Variants in NAV1 observed in about 807,000 individuals in gnomAD.
The protein encoded by NAV1 is neuron navigator 1, also known as pore membrane and/or filament interacting like protein 3.
Under a neutral mutation model 175.2 loss-of-function variants are expected in NAV1, and 18 were observed. The observed-to-expected ratio is 0.10, with a 90% CI of 0.07 to 0.15. The LOEUF is 0.15. Among genes scored for constraint, NAV1 ranks in the 10% least tolerant of loss-of-function variants. The pLI, the probability that NAV1 is intolerant of heterozygous loss-of-function variation, is 1.00. For missense variants in NAV1, 1,731 were observed against 2,436.6 expected (o/e 0.71, Z 6.10); for synonymous variants, 897 against 978.7 (o/e 0.92, Z 1.56).
chr1:201,657,716 T>TGAG (rs1308253416), intron 1 of NAV1, among the ~76,000 whole-genome samples: 1 of 152,076 alleles, frequency 6.6e-6, no homozygotes, highest in Non-Finnish European at 1.5e-5. Context: ...CACTTACAAG[T>TGAG]GAGGAAACTG....
intron 1 of NAV1, among the ~76,000 whole-genome samples, chr1:201,709,644 C>G (rs139152451): frequency 6.6e-6 from 1 of 152,302 alleles, no homozygotes; most frequent in Non-Finnish European, 1.5e-5. Flanking sequence ...AGCGGCATAC[C>G]CATGATGGCC....
intron 15 of NAV1, among the ~76,000 whole-genome samples, chr1:201,799,178 G>C (rs1488554849): frequency 6.6e-6 from 1 of 150,562 alleles, no homozygotes; most frequent in African/African-American, 2.4e-5. Flanking sequence ...TCAAGAAACT[G>C]TGTGTGTGTG....
intron 1 of NAV1, among the ~76,000 whole-genome samples, chr1:201,678,403 TCA>T (rs926994848): frequency 3.9e-5 from 6 of 152,176 alleles, no homozygotes. Context: ...AATAGTTTGA[TCA>T]GTCTTTACTC....
intron 1 of NAV1, among the ~76,000 whole-genome samples, chr1:201,686,723 G>A (rs1208205006): frequency 1.3e-5 from 2 of 152,158 alleles, no homozygotes; most frequent in East Asian, 3.9e-4. Flanking sequence ...TGCCACCTTT[G>A]CCTCCTAAAG....
intron 1 of NAV1, among the ~76,000 whole-genome samples, chr1:201,684,889 G>C (rs1670618847): frequency 6.6e-6 from 1 of 150,642 alleles, no homozygotes; most frequent in Non-Finnish European, 1.5e-5. Flanking sequence ...CGTGACCCCG[G>C]AAGTGGAGGT....
intron 2 of NAV1, among the ~76,000 whole-genome samples, chr1:201,636,772 G>A (rs944511794): frequency 6.6e-6 from 1 of 152,194 alleles, no homozygotes; most frequent in African/African-American, 2.4e-5. Flanking sequence ...CTCAGCCCCA[G>A]TGGAAGTGGA....
intron 3 of NAV1, among the ~76,000 whole-genome samples, chr1:201,748,226 GT>G (rs1673893137): frequency 6.6e-6 from 1 of 152,194 alleles, no homozygotes; most frequent in Admixed American, 6.5e-5. Flanking sequence ...TGAATTAAGT[GT>G]GAAGGAGGAG....
intron 2 of NAV1, among the ~76,000 whole-genome samples, chr1:201,716,550 T>A (rs1275727158): frequency 2.0e-5 from 3 of 152,208 alleles, no homozygotes; most frequent in Non-Finnish European, 4.4e-5. Flanking sequence ...AGACACTGTA[T>A]GAGGCAGAGC....
At chr1:201,706,003 A>G (rs1286455254) in intron 1 of NAV1, among the ~76,000 whole-genome samples, 2 of 152,146 alleles carry the variant, frequency 1.3e-5, no homozygotes, top group Non-Finnish European at 2.9e-5. Context: ...CGTTAGACCA[A>G]GGAGTGCACT....
chr1:201,600,638 C>T (rs1667487475), intron 2 of NAV1, among the ~76,000 whole-genome samples: 1 of 151,304 alleles, frequency 6.6e-6, no homozygotes, highest in Non-Finnish European at 1.5e-5. Context: ...AAAATTACTT[C>T]AAAATAAAAA....
intron 1 of NAV1, among the ~76,000 whole-genome samples, chr1:201,702,514 G>A (rs1019653104): frequency 3.3e-5 from 5 of 152,108 alleles, no homozygotes; most frequent in Non-Finnish European, 7.4e-5. Flanking sequence ...GGGGTTACAG[G>A]AGTGCACCAC....
rs116275767 is a variant in NAV1 at position 201,665,822 on chromosome 1, G to A, written c.757+16397G>A. Among the ~76,000 whole-genome samples, 371 of 151,416 alleles carry A rather than the reference G, an allele frequency of 2.5e-3. 1 individual carries two copies. Among genetic ancestry groups the A allele is most frequent in the Non-Finnish European group, 4.1e-3 (277 of 67,912 alleles). The stretch of plus-strand genomic sequence containing the variant: ...TGCTTGGAGTTTTTCTACCATCTAC[G>A]TTGCATCCTCCCTCATCTCTCAATT... On this transcript the variant is annotated intron_variant, in intron 1 of 29. Coordinates refer to ENST00000367296, the Ensembl canonical transcript of NAV1.
At chr1:201,755,781 G>C (rs1329262379) in intron 3 of NAV1, among the ~76,000 whole-genome samples, 1 of 152,080 alleles carries the variant, frequency 6.6e-6, no homozygotes, top group Non-Finnish European at 1.5e-5. Context: ...GCCTGGCGTG[G>C]AGAAGAGGCT....
chr1:201,544,654 C>T (rs1054922299), intron 1 of NAV1, among the ~76,000 whole-genome samples: 2 of 152,186 alleles, frequency 1.3e-5, no homozygotes, highest in Non-Finnish European at 1.5e-5. Context: ...TTCCACCCAT[C>T]GCTGAAAGAT....
intron 1 of NAV1, among the ~76,000 whole-genome samples, chr1:201,563,496 A>G (rs1666265212): frequency 6.6e-6 from 1 of 151,856 alleles, no homozygotes; most frequent in African/African-American, 2.4e-5. Flanking sequence ...CAGGTACAGC[A>G]AGGAAAGCCT....
chr1:201,619,596 T>C (rs1469375964), upstream of NAV1, among the ~76,000 whole-genome samples: 1 of 152,158 alleles, frequency 6.6e-6, no homozygotes, highest in Non-Finnish European at 1.5e-5. Context: ...TTTCCGAGTT[T>C]CCTTTATGAA....
At chr1:201,682,115 C>A (rs1436552079) in intron 1 of NAV1, among the ~76,000 whole-genome samples, 420 of 82,982 alleles carry the variant, frequency 5.1e-3, no homozygotes, top group Middle Eastern at 6.8e-3. Flanking sequence ...GACTCCATCT[C>A]AAAAAAAAAA....
intron 1 of NAV1, among the ~76,000 whole-genome samples, chr1:201,586,699 AG>A (rs1399612729): frequency 6.6e-6 from 1 of 152,004 alleles, no homozygotes; most frequent in Non-Finnish European, 1.5e-5. Context: ...AGGGGGAGAG[AG>A]AGAGATCTTT....
chr1:201,565,825 G>A (rs1666338781), intron 1 of NAV1, among the ~76,000 whole-genome samples: 2 of 152,230 alleles, frequency 1.3e-5, no homozygotes, highest in Non-Finnish European at 2.9e-5. Context: ...GACCTCCCAG[G>A]GGCCTTGTGG....
Sources: gnomAD v4.1 joint callset for allele counts (sites outside exome capture counted in the v4.1 genomes callset) on GRCh38, gnomAD v4.1.1 for gene constraint, MANE v1.5 for transcripts, NCBI Gene and HGNC (gene_info 2026-07-23, HGNC 2026-07-21) for gene names.